ALG8: variants seen among roughly 807,000 people sequenced by gnomAD.
ALG8 encodes dolichyl pyrophosphate Glc1Man9GlcNAc2 alpha-1,3-glucosyltransferase.
In ALG8, 48 loss-of-function variants were observed where a neutral mutation model predicts 70.2. That is an observed-to-expected ratio of 0.68 (90% CI 0.54 to 0.87). The LOEUF (loss-of-function observed/expected upper bound fraction) is 0.87, where lower values mean the gene tolerates loss of function less well. Ranked by LOEUF, ALG8 falls within the 40% of genes least tolerant of loss-of-function variation. The pLI is 0.00. For synonymous variants in ALG8, 234 were observed against 229.0 expected, an observed-to-expected ratio of 1.02 and a Z score of -0.20; for missense variants, 572 against 608.7, an observed-to-expected ratio of 0.94 and a Z score of 0.64.
intron 1 of ALG8, among the ~76,000 whole-genome samples, chr11:78,128,825 A>C (rs1054934077): frequency 1.3e-5 from 2 of 151,524 alleles, no homozygotes; most frequent in African/African-American, 4.8e-5. Context: ...TGTGTTGGCC[A>C]GGATGGTCTT....
chr11:78,115,360 A>G (rs987973997), intron 5 of ALG8, among the ~76,000 whole-genome samples: 2 of 151,652 alleles, frequency 1.3e-5, no homozygotes, highest in African/African-American at 2.4e-5. Flanking sequence ...TAACCAGTAT[A>G]AGGAAAACAT....
Position 78,111,033 on chromosome 11 carries a change from C to T in ALG8, c.899-1452G>A, listed in dbSNP as rs79537131. Among the ~76,000 whole-genome samples the T allele has an allele frequency of 4.5e-3, 678 of 152,306 alleles. 4 individuals are homozygous for T. Among genetic ancestry groups the T allele is most frequent in the African/African-American group, 0.016 (649 of 41,564 alleles). On this transcript the variant is annotated intron_variant, in intron 8 of 12. Transcript: ENST00000299626. ...TTTGAAATATGAATGTTAGGAATTACTCTGTAAGAATGCCATGTACATCAA... is the reference window on the plus strand; with the variant it reads ...TTTGAAATATGAATGTTAGGAATTATTCTGTAAGAATGCCATGTACATCAA...
chr11:78,104,347 G>T lies in ALG8; in HGVS notation c.1276+9C>A. 1 of 1,570,614 alleles carries T rather than the reference G, an allele frequency of 6.4e-7. No individual in the cohort carries two copies. The highest frequency in any genetic ancestry group is 8.6e-7 in the Non-Finnish European group (1 of 1,158,614). On this transcript the variant is annotated intron_variant, in intron 11 of 12. Coordinates refer to ENST00000299626, the MANE Select transcript of ALG8 (RefSeq NM_024079.5). ...GTCAAATATATTTTTCTCAGAAGAC[G>T]CTGTTTACCTGGTGCAGTGAAGAGC...
chr11:78,131,294 T>A (rs866430343), intron 1 of ALG8, among the ~76,000 whole-genome samples: 18 of 152,182 alleles, frequency 1.2e-4, no homozygotes, highest in South Asian at 6.2e-4. Flanking sequence ...ACTACTTTTT[T>A]AAATTGCATT....
At chr11:78,110,622 C>T (rs1284901212) in intron 8 of ALG8, among the ~76,000 whole-genome samples, 1 of 152,138 alleles carries the variant, frequency 6.6e-6, no homozygotes, top group African/African-American at 2.4e-5. Flanking sequence ...TACATAGGAG[C>T]TCAATAAATA....
intron 7 of ALG8, 88 bp downstream of exon 7, chr11:78,113,798 T>A: frequency 9.0e-7 from 1 of 1,110,208 alleles, no homozygotes. Flanking sequence ...TAGCTTTTAC[T>A]TATTTTACAT....
At chr11:78,133,042 A>G in intron 1 of ALG8, among the ~76,000 whole-genome samples, 4 of 151,804 alleles carry the variant, frequency 2.6e-5, no homozygotes, top group African/African-American at 7.3e-5. Flanking sequence ...TCATCGTGTT[A>G]ACCAGGATGG....
chr11:78,115,658 T>C (rs1461190376), intron 5 of ALG8, among the ~76,000 whole-genome samples: 2 of 152,224 alleles, frequency 1.3e-5, no homozygotes, highest in East Asian at 3.8e-4. Flanking sequence ...GTGCTGGGAT[T>C]ACAGGCATGA....
intron 9 of ALG8, among the ~76,000 whole-genome samples, chr11:78,107,222 T>TAA (rs1555067933): frequency 2.6e-4 from 35 of 135,140 alleles, no homozygotes; most frequent in African/African-American, 8.8e-4. Flanking sequence ...TATATATATA[T>TAA]AATTTTTTGT....
intron 1 of ALG8, among the ~76,000 whole-genome samples, chr11:78,135,558 T>TA (rs1426681684): frequency 5.4e-5 from 8 of 149,294 alleles, no homozygotes; most frequent in South Asian, 4.2e-4. Context: ...AAAATACATT[T>TA]AAAAAAAAAG....
At chr11:78,126,653 C>T (rs1255831224) in intron 2 of ALG8, among the ~76,000 whole-genome samples, 2 of 152,090 alleles carry the variant, frequency 1.3e-5, no homozygotes, top group Admixed American at 1.3e-4. Flanking sequence ...TATTCCTTTC[C>T]TCACAAAATC....
At chr11:78,101,403 TG>T (rs937847190) in intron 12 of ALG8, among the ~76,000 whole-genome samples, 1 of 152,100 alleles carries the variant, frequency 6.6e-6, no homozygotes, top group Non-Finnish European at 1.5e-5. Flanking sequence ...CCAAGGCAGG[TG>T]GATCACCTGA....
chr11:78,113,602 A>G (rs1402148580), intron 7 of ALG8, among the ~76,000 whole-genome samples: 1 of 151,342 alleles, frequency 6.6e-6, no homozygotes, highest in Non-Finnish European at 1.5e-5. Context: ...AATCCCACCT[A>G]CTCAGGAGGC....
In ALG8 at chr11:78,108,486, C is replaced by T. The variant is rs148608539; in HGVS notation, c.1038+956G>A. ...ATTAATAATTAAGTTCTGGGATGTA[C>T]AGTCTAACAACTTATTACATCTTCA... On this transcript the variant is annotated intron_variant, in intron 9 of 12. Coordinates refer to ENST00000299626, the MANE Select transcript of ALG8 (RefSeq NM_024079.5). 1.9e-3 allele frequency among the ~76,000 whole-genome samples: 290 copies of T among 152,176 alleles called. 2 individuals are homozygous for T. Among genetic ancestry groups the T allele is most frequent in the African/African-American group, 6.8e-3 (281 of 41,526 alleles).
intron 1 of ALG8, among the ~76,000 whole-genome samples, chr11:78,128,396 T>G (rs1861170155): frequency 6.6e-6 from 1 of 152,142 alleles, no homozygotes; most frequent in African/African-American, 2.4e-5. Context: ...TTTCCAACAT[T>G]TTACACAACC....
At chr11:78,136,496 C>T (rs538691527) in intron 1 of ALG8, among the ~76,000 whole-genome samples, 1 of 151,926 alleles carries the variant, frequency 6.6e-6, no homozygotes, top group Non-Finnish European at 1.5e-5. Context: ...ATGATGGTGC[C>T]GCTGTACTTC....
intron 1 of ALG8, among the ~76,000 whole-genome samples, chr11:78,133,683 G>A (rs1236784980): frequency 2.0e-5 from 3 of 152,062 alleles, no homozygotes; most frequent in Middle Eastern, 3.2e-3. Flanking sequence ...GGCGGATCAC[G>A]AGGTCAGGAG....
chr11:78,127,312 T>A (rs1861122539), intron 2 of ALG8, 46 bp downstream of exon 2: 1 of 1,487,684 alleles, frequency 6.7e-7, no homozygotes, highest in Non-Finnish European at 9.2e-7. Flanking sequence ...ATTTACCTAG[T>A]TTATAGATGA....
Position 78,113,934 on chromosome 11 carries a change from C to G in ALG8, c.729G>C (p.Leu243=), listed in dbSNP as rs760030470. Residue 243 remains leucine, a synonymous_variant, in exon 7 of 13, where the codon CTG becomes CTC. Coordinates refer to ENST00000299626, the MANE Select transcript of ALG8 (RefSeq NM_024079.5). ...FSFVRVISLG[L]VVFLVSALSL... ...AAAGAGCAGAAACTAAGAAAACAACCAGTCCCAGGGAAATAACACGAACAA... is the reference window on the plus strand; with the variant it reads ...AAAGAGCAGAAACTAAGAAAACAACGAGTCCCAGGGAAATAACACGAACAA... 2 of 1,602,108 alleles carry G rather than the reference C, an allele frequency of 1.2e-6. No individual in the cohort carries two copies. The highest frequency in any genetic ancestry group is 4.5e-5 in the East Asian group (2 of 44,288).
Sources: allele counts gnomAD v4.1 joint callset (sites outside exome capture counted in the v4.1 genomes callset), GRCh38; gene constraint gnomAD v4.1.1; transcripts MANE v1.5; gene names NCBI Gene and HGNC (gene_info 2026-07-23, HGNC 2026-07-21).